Variants in TMEM135 observed in about 807,000 individuals in gnomAD.
TMEM135 encodes transmembrane protein 135.
TMEM135 carries 30 observed loss-of-function variants against 60.3 expected under a neutral mutation model. The observed-to-expected ratio is 0.50, with a 90% CI of 0.37 to 0.68. The LOEUF (loss-of-function observed/expected upper bound fraction) is 0.68. Among genes scored for constraint, TMEM135 ranks in the 30% least tolerant of loss-of-function variants. TMEM135 has a pLI of 0.00. For synonymous variants in TMEM135, 190 were observed against 186.7 expected, an observed-to-expected ratio of 1.02 and a Z score of -0.14; for missense variants, 468 against 548.8, an observed-to-expected ratio of 0.85 and a Z score of 1.47.
At chr11:87,208,190 G>A (rs1591104784) in intron 5 of TMEM135, among the ~76,000 whole-genome samples, 2 of 152,126 alleles carry the variant, frequency 1.3e-5, no homozygotes, top group African/African-American at 2.4e-5. Context: ...ACCTCCAAAC[G>A]ATCGCAATAG....
chr11:87,320,779 A>G (rs189706088), intron 14 of TMEM135, among the ~76,000 whole-genome samples: 24 of 152,296 alleles, frequency 1.6e-4, no homozygotes, highest in African/African-American at 4.3e-4. Flanking sequence ...TATGATGTCA[A>G]TTATGAGAGA....
At chr11:87,203,404 G>A (rs1489530727) in intron 5 of TMEM135, among the ~76,000 whole-genome samples, 1 of 152,030 alleles carries the variant, frequency 6.6e-6, no homozygotes, top group African/African-American at 2.4e-5. Flanking sequence ...TAATCTTACT[G>A]TCTCCCTAGT....
intron 6 of TMEM135, among the ~76,000 whole-genome samples, chr11:87,262,948 A>G (rs1404503051): frequency 1.3e-5 from 2 of 151,968 alleles, no homozygotes; most frequent in East Asian, 1.9e-4. Context: ...TGGAGTTCTG[A>G]GTTGTTTTTG....
intron 4 of TMEM135, among the ~76,000 whole-genome samples, chr11:87,102,033 A>C (rs1857469863): frequency 6.6e-6 from 1 of 152,184 alleles, no homozygotes; most frequent in South Asian, 2.1e-4. Flanking sequence ...CACTCAACAG[A>C]GAATGATCCC....
chr11:87,304,459 C>T (rs1942505619), intron 8 of TMEM135, among the ~76,000 whole-genome samples: 1 of 142,524 alleles, frequency 7.0e-6, no homozygotes, highest in Non-Finnish European at 1.6e-5. Context: ...GAAGTGGACA[C>T]TTAGAAGTGT....
intron 6 of TMEM135, among the ~76,000 whole-genome samples, chr11:87,289,291 A>G (rs537685953): frequency 3.3e-5 from 5 of 152,276 alleles, no homozygotes; most frequent in African/African-American, 1.2e-4. Context: ...ACGTCTTTGT[A>G]TTGGGAATAT....
At chr11:87,073,462 TG>T (rs1856810336) in intron 3 of TMEM135, among the ~76,000 whole-genome samples, 1 of 152,200 alleles carries the variant, frequency 6.6e-6, no homozygotes, top group Admixed American at 6.5e-5. Flanking sequence ...ATCAAAGGAT[TG>T]GTGAATGTTA....
chr11:87,322,976 G>C lies in TMEM135; in HGVS notation c.*1643G>C, dbSNP rs752770715. The C allele has an allele frequency of 4.0e-5, 18 of 454,202 alleles. No homozygotes were observed. Among genetic ancestry groups the C allele is most frequent in the Non-Finnish European group, 5.7e-5 (13 of 226,706 alleles). 28.1% of individuals were successfully genotyped at this position (454,202 alleles called of 1,614,324 possible). A position where few individuals can be genotyped will look rare whatever the true frequency, so the allele number is the denominator to read the frequency against. On this transcript the variant is annotated 3_prime_UTR_variant, in exon 15 of 15. Coordinates refer to ENST00000305494, the MANE Select transcript of TMEM135 (RefSeq NM_022918.4). ...TTTTATTCACTGGAATCAAAACGAT[G>C]GTTGGTACTGTGTTTACTGTTTAAA...
rs1942837493 is a variant in TMEM135 at position 87,322,376 on chromosome 11, G to C, written c.*1043G>C. 1 of 453,864 alleles carries C rather than the reference G, an allele frequency of 2.2e-6. No individual in the cohort carries two copies. Among genetic ancestry groups the C allele is most frequent in the Non-Finnish European group, 4.4e-6 (1 of 226,714 alleles). The allele number at this position is 453,864 out of a possible 1,614,324, so 28.1% of individuals were successfully genotyped here. A position where few individuals can be genotyped will look rare whatever the true frequency, so the allele number is the denominator to read the frequency against. On this transcript the variant is annotated 3_prime_UTR_variant, in exon 15 of 15. Coordinates refer to ENST00000305494, the MANE Select transcript of TMEM135 (RefSeq NM_022918.4). ...GTCCATTTGTCACTAATTCCATTCA[G>C]GTTCTCCAACCTTCTTCTTGAATAT...
At chr11:87,199,495 A>C (rs1366214503) in intron 5 of TMEM135, among the ~76,000 whole-genome samples, 2 of 152,234 alleles carry the variant, frequency 1.3e-5, no homozygotes, top group Non-Finnish European at 2.9e-5. Flanking sequence ...CTGAGCAATA[A>C]TTTGCTCACT....
chr11:87,225,870 T>TA (rs1303130195), intron 5 of TMEM135, among the ~76,000 whole-genome samples: 1 of 152,142 alleles, frequency 6.6e-6, no homozygotes, highest in African/African-American at 2.4e-5. Context: ...GTAGGAATGG[T>TA]AAAAACTTGT....
In TMEM135 at chr11:87,071,672, TA is replaced by T. The variant is rs1315087261; in HGVS notation, c.362+59del. 23 of 1,334,888 alleles carry T rather than the reference TA, an allele frequency of 1.7e-5. No individual in the cohort carries two copies. The East Asian group carries it at 2.5e-4, about 15-fold the overall frequency. The allele number at this position is 1,334,888 out of a possible 1,614,324, so 82.7% of individuals were successfully genotyped here. A position where few individuals can be genotyped will look rare whatever the true frequency, so the allele number is the denominator to read the frequency against. Reference sequence around the variant, plus strand: ...GATTACCTGTCCCCTACCCCAACTATAATTTTTTTTTTTTTAATTATCACTT... The same window carrying T: ...GATTACCTGTCCCCTACCCCAACTATATTTTTTTTTTTTTAATTATCACTT... On this transcript the variant is annotated intron_variant, in intron 3 of 14. Transcript: ENST00000305494.
chr11:87,182,657 T>G (rs1330716663), intron 5 of TMEM135, among the ~76,000 whole-genome samples: 1 of 152,182 alleles, frequency 6.6e-6, no homozygotes, highest in Non-Finnish European at 1.5e-5. Context: ...TTATTTTACT[T>G]CATGGAAGAT....
chr11:87,162,877 C>A (rs534556481), intron 5 of TMEM135, among the ~76,000 whole-genome samples: 61 of 152,270 alleles, frequency 4.0e-4, no homozygotes, highest in South Asian at 1.9e-3. Context: ...TCCTCTCCAG[C>A]ATCTGTTGTT....
At position 87,323,654 on chromosome 11, in the gene TMEM135, C is replaced by T. The variant is rs2212616; in HGVS notation, c.*2321C>T. On this transcript the variant is annotated 3_prime_UTR_variant, in exon 15 of 15. Coordinates refer to ENST00000305494, the MANE Select transcript of TMEM135 (RefSeq NM_022918.4). ...TTTATATAGATTGAGATTGAAAAACCGTGCATTTGGGGCAGTGGTATTATG... is the reference window on the plus strand; with the variant it reads ...TTTATATAGATTGAGATTGAAAAACTGTGCATTTGGGGCAGTGGTATTATG... The T allele has an allele frequency of 0.13, 59,937 of 453,336 alleles. 4,224 individuals carry two copies. The highest frequency in any genetic ancestry group is 0.15 in the South Asian group (9,544 of 64,328). The allele number at this position is 453,336 out of a possible 1,614,324, so 28.1% of individuals were successfully genotyped here. A position where few individuals can be genotyped will look rare whatever the true frequency, so the allele number is the denominator to read the frequency against.
chr11:87,079,217 G>T (rs1266190904), intron 3 of TMEM135, among the ~76,000 whole-genome samples: 1 of 152,056 alleles, frequency 6.6e-6, no homozygotes. Context: ...TGCTGGCCAG[G>T]CTGGTCTTGA....
At chr11:87,318,257 G>A in intron 13 of TMEM135, 22 bp downstream of exon 13, 1 of 1,512,484 alleles carries the variant, frequency 6.6e-7, no homozygotes, top group Middle Eastern at 1.7e-4. Context: ...TTTTTGAAAT[G>A]AGAAATTGAA....
intron 9 of TMEM135, among the ~76,000 whole-genome samples, chr11:87,308,133 A>C (rs1176035628): frequency 6.6e-6 from 1 of 152,174 alleles, no homozygotes; most frequent in Non-Finnish European, 1.5e-5. Context: ...AGTAATGAGC[A>C]TGAAAGCTCC....
chr11:87,251,028 A>T (rs1363108923), intron 6 of TMEM135, among the ~76,000 whole-genome samples: 1 of 152,130 alleles, frequency 6.6e-6, no homozygotes, highest in Non-Finnish European at 1.5e-5. Flanking sequence ...AAGATGAAAA[A>T]CGCTGGAAGG....
Sources: allele counts gnomAD v4.1 joint callset (sites outside exome capture counted in the v4.1 genomes callset), GRCh38; gene constraint gnomAD v4.1.1; transcripts MANE v1.5; gene names NCBI Gene and HGNC (gene_info 2026-07-23, HGNC 2026-07-21).